MYO18B: variants seen among roughly 807,000 people sequenced by gnomAD.
MYO18B encodes unconventional myosin-XVIIIb.
Under a neutral mutation model 273.0 loss-of-function variants are expected in MYO18B, and 204 were observed. The observed-to-expected ratio is 0.75, with a 90% CI of 0.67 to 0.84. MYO18B has a LOEUF of 0.84. MYO18B is among the 40% of genes least tolerant of loss of function. The pLI is 0.00. For synonymous variants in MYO18B, 1,330 were observed against 1,305.7 expected, an observed-to-expected ratio of 1.02 and a Z score of -0.40; for missense variants, 3,212 against 3,287.6, an observed-to-expected ratio of 0.98 and a Z score of 0.56.
At chr22:25,749,853 T>C (rs1601585768) in intron 1 of MYO18B, among the ~76,000 whole-genome samples, 1 of 152,196 alleles carries the variant, frequency 6.6e-6, no homozygotes, top group African/African-American at 2.4e-5. Context: ...AGGGGCAGGA[T>C]GCAATGGTAG....
the MYO18B span, among the ~76,000 whole-genome samples, chr22:26,052,198 T>C: frequency 6.6e-6 from 1 of 152,350 alleles, no homozygotes; most frequent in Admixed American, 6.5e-5. Context: ...CCAGTGTCTG[T>C]TGTTGGCTGT....
intron 38 of MYO18B, among the ~76,000 whole-genome samples, chr22:25,954,608 C>T (rs928553644): frequency 1.3e-5 from 2 of 152,196 alleles, no homozygotes; most frequent in Non-Finnish European, 2.9e-5. Flanking sequence ...CCCAAGGTCA[C>T]ATAGCCAGGG....
At chr22:25,780,526 GTTGTAGTGAGCCGAGA>G (rs1306998261) in intron 9 of MYO18B, among the ~76,000 whole-genome samples, 1 of 133,466 alleles carries the variant, frequency 7.5e-6, no homozygotes, top group African/African-American at 2.8e-5. Context: ...GGAGGCGGAG[GTTGTAGTGAGCCGAGA>G]TTGTGCCACT....
intron 8 of MYO18B, among the ~76,000 whole-genome samples, chr22:25,777,985 A>G (rs1310473443): frequency 2.0e-5 from 3 of 152,214 alleles, no homozygotes; most frequent in Non-Finnish European, 4.4e-5. Context: ...CTCCTTCCTC[A>G]AGACATTGAC....
At chr22:25,942,506 G>T (rs112296214) in intron 34 of MYO18B, among the ~76,000 whole-genome samples, 2,098 of 152,322 alleles carry the variant, frequency 0.014, 49 homozygotes, top group African/African-American at 0.048. Flanking sequence ...ACCTCCCAGT[G>T]AGTGGCTTTC....
Position 25,992,363 on chromosome 22 carries a change from G to T in MYO18B, c.6157G>T (p.Glu2053Ter). 1 of 1,613,832 alleles carries T rather than the reference G, an allele frequency of 6.2e-7. No homozygotes were observed. The highest frequency in any genetic ancestry group is 8.5e-7 in the Non-Finnish European group (1 of 1,179,734). Residue 2053 changes from glutamate to a stop codon, truncating the protein, a stop_gained and splice_region_variant, in exon 40 of 44, where the codon GAG becomes TAG. Transcript: ENST00000335473. LOFTEE classifies it high-confidence loss of function. ...AEASRRCMELEKYVEELAAVR... is the reference protein window; with the variant it reads ...AEASRRCMEL ...GTGTGTTTGCATCTTCTGTCCCCAGGAGAAGTACGTGGAGGAACTTGCAGC... is the reference window on the plus strand; with the variant it reads ...GTGTGTTTGCATCTTCTGTCCCCAGTAGAAGTACGTGGAGGAACTTGCAGC...
At chr22:25,850,907 C>T (rs1438259273) in intron 20 of MYO18B, among the ~76,000 whole-genome samples, 1 of 152,126 alleles carries the variant, frequency 6.6e-6, no homozygotes, top group Non-Finnish European at 1.5e-5. Flanking sequence ...CATTTTCTCC[C>T]AACAGCTTTT....
At chr22:25,950,277 TG>T in intron 36 of MYO18B, 89 bp from the exon 37 acceptor site, 1 of 1,077,912 alleles carries the variant, frequency 9.3e-7, no homozygotes, top group East Asian at 2.6e-5. Flanking sequence ...CATCTGTGGG[TG>T]GGGAAAGTAG....
intron 18 of MYO18B, 48 bp from the exon 19 acceptor site, chr22:25,846,052 C>G: frequency 1.4e-5 from 20 of 1,445,822 alleles, no homozygotes; most frequent in Non-Finnish European, 1.8e-5. Flanking sequence ...CCAAGGCTTT[C>G]CCAAGAACCT....
chr22:25,901,381 AT>A (rs750572034), intron 29 of MYO18B: 23 of 152,174 alleles, frequency 1.5e-4, no homozygotes, highest in Non-Finnish European at 3.2e-4. Context: ...AGCCTTCTCT[AT>A]CGGTTTCCTC....
At chr22:25,954,985 C>T (rs540557992) in intron 38 of MYO18B, among the ~76,000 whole-genome samples, 194 bp from the exon 39 acceptor site, 1 of 152,338 alleles carries the variant, frequency 6.6e-6, no homozygotes, top group South Asian at 2.1e-4. Context: ...GCTGGGATTA[C>T]AGGCTTGAGC....
chr22:25,909,594 A>G (rs1243158300), intron 32 of MYO18B, among the ~76,000 whole-genome samples: 1 of 152,196 alleles, frequency 6.6e-6, no homozygotes, highest in Non-Finnish European at 1.5e-5. Context: ...TATTCTAAGA[A>G]TGCCTCAAAG....
At chr22:25,808,776 A>G (rs1380929481) in intron 12 of MYO18B, among the ~76,000 whole-genome samples, 1 of 152,202 alleles carries the variant, frequency 6.6e-6, no homozygotes, top group Non-Finnish European at 1.5e-5. Context: ...CCTCATCTGT[A>G]AAGTGGGGAT....
At position 25,908,320 on chromosome 22, in the gene MYO18B, A is replaced by G; in HGVS notation, c.5149-2A>G. 1.9e-6 allele frequency: 3 copies of G among 1,573,788 alleles called. No homozygotes were observed. Among genetic ancestry groups the G allele is most frequent in the Non-Finnish European group, 8.6e-7 (1 of 1,159,862 alleles). On this transcript the variant is annotated splice_acceptor_variant, in intron 31 of 43. Transcript: ENST00000335473. LOFTEE classifies it high-confidence loss of function. ...CACGTGCTGTCCTTGCTGCCCCCGC[A>G]GCTCCGCCAGCGGTTTGAGCTGGAG...
At chr22:25,873,970 T>G (rs2091120515) in intron 22 of MYO18B, among the ~76,000 whole-genome samples, 1 of 152,164 alleles carries the variant, frequency 6.6e-6, no homozygotes, top group Admixed American at 6.5e-5. Context: ...GGGGATTGTG[T>G]TAAAGTGCAG....
intron 2 of MYO18B, among the ~76,000 whole-genome samples, chr22:25,762,471 C>T (rs1243842802): frequency 2.0e-5 from 3 of 152,254 alleles, no homozygotes; most frequent in Non-Finnish European, 2.9e-5. Context: ...ACACTTCAGT[C>T]GGCCACAGCC....
chr22:26,016,227 T>A (rs1601838432), intron 42 of MYO18B, among the ~76,000 whole-genome samples: 1 of 152,328 alleles, frequency 6.6e-6, no homozygotes, highest in East Asian at 1.9e-4. Context: ...TAGAATTGTG[T>A]TCTTCAAAAC....
intron 36 of MYO18B, among the ~76,000 whole-genome samples, chr22:25,948,433 TCCTTCCTTC>T (rs2092743378): frequency 7.3e-6 from 1 of 136,722 alleles, no homozygotes; most frequent in African/African-American, 3.0e-5. Context: ...CTTCCTTCCT[TCCTTCCTTC>T]CTTCCTTCCT....
At chr22:25,979,166 A>G (rs2093124053) in intron 39 of MYO18B, among the ~76,000 whole-genome samples, 1 of 152,146 alleles carries the variant, frequency 6.6e-6, no homozygotes, top group South Asian at 2.1e-4. Context: ...CATTTTCCCT[A>G]TTTCTGCAAT....
Sources: allele counts gnomAD v4.1 joint callset (sites outside exome capture counted in the v4.1 genomes callset), GRCh38; gene constraint gnomAD v4.1.1; transcripts MANE v1.5; gene names NCBI Gene and HGNC (gene_info 2026-07-23, HGNC 2026-07-21).